PTDSS2: variants seen among roughly 807,000 people sequenced by gnomAD.
PTDSS2 encodes the protein PSS-2.
Under a neutral mutation model 64.7 loss-of-function variants are expected in PTDSS2, and 41 were observed. That is an observed-to-expected ratio of 0.63 (90% confidence interval 0.49 to 0.82). The LOEUF (loss-of-function observed/expected upper bound fraction) is 0.82. Among genes scored for constraint, PTDSS2 ranks in the 40% least tolerant of loss-of-function variants. PTDSS2 has a pLI of 0.00. For synonymous variants in PTDSS2, 297 were observed against 277.8 expected (o/e 1.07, Z -0.69); for missense variants, 485 against 650.0 (o/e 0.75, Z 2.76).
rs1468094323 is a variant in PTDSS2 at position 491,111 on chromosome 11, T to TC, written c.*534dup. 6.4e-6 allele frequency: 1 copy of TC among 155,374 alleles called. No homozygotes were observed. Among genetic ancestry groups the TC allele is most frequent in the African/African-American group, 2.4e-5 (1 of 41,372 alleles). 9.6% of individuals were successfully genotyped at this position (155,374 alleles called of 1,614,324 possible). On this transcript the variant is annotated 3_prime_UTR_variant, in exon 12 of 12. Coordinates refer to ENST00000308020, the MANE Select transcript of PTDSS2 (RefSeq NM_030783.3). ...CGTCTACACTGGCTCCACATCCACT[T>TC]CCCCCGCAGCTCGTGTGGGCGCTCG... is the stretch of plus-strand genomic sequence containing the variant.
Position 450,568 on chromosome 11 carries a change from C to G in PTDSS2, c.113C>G (p.Thr38Ser), listed in dbSNP as rs1564954388. The change falls in exon 1 of 12, where the codon ACC (threonine) becomes AGC (serine). Residue 38 changes from threonine to serine, a missense_variant. By Grantham distance (58) the Thr-to-Ser change is moderately conservative. Coordinates refer to ENST00000308020, the MANE Select transcript of PTDSS2 (RefSeq NM_030783.3). The part of the protein sequence containing the change: ...PPDGPSAGQA[T>S]GPGEGRRSTE... ...GACGGGCCGTCTGCCGGCCAAGCCA[C>G]CGGGCCGGGCGAGGGCCGCCGCAGC... is the stretch of plus-strand genomic sequence containing the variant. The G allele has an allele frequency of 1.4e-5, 18 of 1,243,128 alleles. No individual in the cohort carries two copies. The highest frequency in any genetic ancestry group is 1.8e-5 in the Non-Finnish European group (18 of 986,168). 77.0% of individuals were successfully genotyped at this position (1,243,128 alleles called of 1,614,324 possible).
intron 1 of PTDSS2, among the ~76,000 whole-genome samples, chr11:456,518 T>TA (rs1048812012): frequency 1.3e-5 from 2 of 152,044 alleles, no homozygotes; most frequent in Non-Finnish European, 2.9e-5. Context: ...GGGGTCATCT[T>TA]ACTCTCCTCA....
chr11:484,965 G>A (rs1310815169), intron 4 of PTDSS2, among the ~76,000 whole-genome samples: 1 of 137,276 alleles, frequency 7.3e-6, no homozygotes, highest in African/African-American at 2.8e-5. Flanking sequence ...TGTGTGCGCA[G>A]GCGAGCGTAA....
chr11:458,427 G>A (rs9666582), intron 1 of PTDSS2, among the ~76,000 whole-genome samples: 32,759 of 150,292 alleles, frequency 0.22, 3,844 homozygotes, highest in African/African-American at 0.31. Flanking sequence ...GGATGGTCTC[G>A]ATCTCCTGAC....
In PTDSS2 at chr11:465,452, T is replaced by C. The variant is rs191811960; in HGVS notation, c.284+5164T>C. Among the ~76,000 whole-genome samples, 17 of 152,214 alleles carry C rather than the reference T, an allele frequency of 1.1e-4. No homozygotes were observed. In the East Asian group the frequency reaches 1.6e-3, roughly 14 times the overall value. On this transcript the variant is annotated intron_variant, in intron 2 of 11. Transcript: ENST00000308020. ...CCTCCCAAACTGCTGGGATTACAGA[T>C]GTGAGCTATCATGCCCAGGCATAAT...
intron 2 of PTDSS2, among the ~76,000 whole-genome samples, chr11:464,682 A>G (rs776853677): frequency 8.0e-4 from 122 of 152,294 alleles, no homozygotes; most frequent in Middle Eastern, 6.8e-3. Context: ...TGGACACGGC[A>G]CCGTTCACTG....
chr11:475,439 C>T (rs1168130434), intron 3 of PTDSS2, among the ~76,000 whole-genome samples: 1 of 151,420 alleles, frequency 6.6e-6, no homozygotes, highest in Non-Finnish European at 1.5e-5. Context: ...CAGACATTCA[C>T]GCGTTTGTGT....
chr11:488,474 C>G, intron 7 of PTDSS2, 55 bp from the exon 8 acceptor site: 2 of 1,500,114 alleles, frequency 1.3e-6, no homozygotes, highest in Admixed American at 1.7e-5. Flanking sequence ...CGGGGTCCTC[C>G]TCGGGGGGCT....
At position 489,912 on chromosome 11, in the gene PTDSS2, C is replaced by G; in HGVS notation, c.1145C>G (p.Ala382Gly). Residue 382 changes from alanine to glycine, a missense_variant, in exon 11 of 12, where the codon GCC (alanine) becomes GGC (glycine). Ala to Gly is a moderately conservative substitution (Grantham distance 60). This residue lies in a region of PTDSS2 where 219 missense variants were observed against 257.3 expected (regional missense o/e 0.85). Transcript: ENST00000308020. ...CCCCACAAGAAGCTGGGCCCGCAGG[C>G]CTGGCTGGTGGCGGCCATCACGGCC... ...PKPHKKLGPQ[A>G]WLVAAITATE... The G allele has an allele frequency of 6.2e-7, 1 of 1,602,378 alleles. No homozygotes were observed. Among genetic ancestry groups the G allele is most frequent in the Non-Finnish European group, 8.5e-7 (1 of 1,176,486 alleles).
rs188824587 is a variant in PTDSS2, at chr11:454,108, G to A, written c.182+3471G>A. 3.9e-5 allele frequency among the ~76,000 whole-genome samples: 6 copies of A among 152,344 alleles called. No individual in the cohort carries two copies. In the East Asian group the frequency reaches 5.8e-4, roughly 15 times the overall value. Reference sequence around the variant, plus strand: ...CCAAGATGTGTAGACGTCGTGCTGCGTGTAGGACAAGGACTGGAGCTCACT... The same window carrying A: ...CCAAGATGTGTAGACGTCGTGCTGCATGTAGGACAAGGACTGGAGCTCACT... On this transcript the variant is annotated intron_variant, in intron 1 of 11. Transcript: ENST00000308020.
chr11:487,425 G>A lies in PTDSS2; in HGVS notation c.576G>A (p.Lys192=), dbSNP rs1275012763. 1 of 1,614,038 alleles carries A rather than the reference G, an allele frequency of 6.2e-7. No homozygotes were observed. The change falls in exon 6 of 12, where the codon AAG becomes AAA. Residue 192 remains lysine, a synonymous_variant. Transcript: ENST00000308020. ...TCATACCCTGTCGCCCACAGGACAAGTTGGATGGCTTTGTTCCCGCGCACT... is the reference window on the plus strand; with the variant it reads ...TCATACCCTGTCGCCCACAGGACAAATTGGATGGCTTTGTTCCCGCGCACT... ...ETDPFHNIWD[K]LDGFVPAHFL...
At chr11:473,784 C>T in intron 2 of PTDSS2, 111 bp from the exon 3 acceptor site, 1 of 861,056 alleles carries the variant, frequency 1.2e-6, no homozygotes, top group Non-Finnish European at 2.0e-6. Flanking sequence ...TCCTCCCGCC[C>T]CAGCATCAGG....
chr11:469,126 A>G (rs1278928705), intron 2 of PTDSS2, among the ~76,000 whole-genome samples: 41 of 60,944 alleles, frequency 6.7e-4, no homozygotes, highest in East Asian at 1.3e-3. Flanking sequence ...GGTAATCGGA[A>G]GGAGGAGGAG....
At position 450,338 on chromosome 11, in the gene PTDSS2, G is replaced by C; in HGVS notation, c.-118G>C. 1 of 925,898 alleles carries C rather than the reference G, an allele frequency of 1.1e-6. No individual in the cohort carries two copies. The highest frequency in any genetic ancestry group is 4.4e-5 in the Admixed American group (1 of 22,530). The allele number at this position is 925,898 out of a possible 1,614,324, so 57.4% of individuals were successfully genotyped here. On this transcript the variant is annotated 5_prime_UTR_variant, in exon 1 of 12. Transcript: ENST00000308020. ...GCGCTGCTCTCCTAAGACCCCGCGGGCCAGCGCCGCGACCCCTTCCCAGCG... is the reference window on the plus strand; with the variant it reads ...GCGCTGCTCTCCTAAGACCCCGCGGCCCAGCGCCGCGACCCCTTCCCAGCG...
chr11:489,907 G>A lies in PTDSS2; in HGVS notation c.1140G>A (p.Pro380=), dbSNP rs373641721. The part of the protein sequence containing the change: ...DDPKPHKKLG[P]QAWLVAAITA... ...GGAAGCCCCACAAGAAGCTGGGCCC[G>A]CAGGCCTGGCTGGTGGCGGCCATCA... The change falls in exon 11 of 12, where the codon CCG becomes CCA. Residue 380 remains proline, a synonymous_variant. Transcript: ENST00000308020. 508 of 1,598,904 alleles carry A rather than the reference G, an allele frequency of 3.2e-4. No individual in the cohort carries two copies. Among genetic ancestry groups the A allele is most frequent in the Non-Finnish European group, 4.0e-4 (471 of 1,174,838 alleles).
chr11:457,854 C>A lies in PTDSS2; in HGVS notation c.183-2333C>A, dbSNP rs141901449. ...GTAGCATAGGCCTCACTTTTCTGTG[C>A]CGTTTTGCAGTCCCACCTGCAGTGC... On this transcript the variant is annotated intron_variant, in intron 1 of 11. Coordinates refer to ENST00000308020, the MANE Select transcript of PTDSS2 (RefSeq NM_030783.3). Among the ~76,000 whole-genome samples, 1,022 of 152,314 alleles carry A rather than the reference C, an allele frequency of 6.7e-3. 9 individuals are homozygous for A. The highest frequency in any genetic ancestry group is 0.013 in the Admixed American group (193 of 15,306).
intron 11 of PTDSS2, 130 bp downstream of exon 11, chr11:490,198 G>T (rs1055560752): frequency 1.6e-5 from 19 of 1,188,264 alleles, no homozygotes; most frequent in Admixed American, 5.0e-5. Flanking sequence ...CGCCTCTGCG[G>T]GAGGCGCCTT....
chr11:489,812 C>T (rs1053590543), intron 10 of PTDSS2, 71 bp from the exon 11 acceptor site: 22 of 1,552,298 alleles, frequency 1.4e-5, no homozygotes, highest in South Asian at 2.4e-5. Context: ...CCTGGGAGGC[C>T]GGAGCCTGGG....
chr11:470,234 C>T lies in PTDSS2; in HGVS notation c.285-3661C>T, dbSNP rs1318819081. ...CAAGCCCAGTGGTCAGGTCAGCATG[C>T]ACTGGTCATGTTCATGGCGTGGCCG... On this transcript the variant is annotated intron_variant, in intron 2 of 11. Transcript: ENST00000308020. This position sits in a 1 kb window ranked among gnomAD's most constrained non-coding sequence, Gnocchi z 5.3. 6.6e-6 allele frequency among the ~76,000 whole-genome samples: 1 copy of T among 152,228 alleles called. No individual in the cohort carries two copies. The highest frequency in any genetic ancestry group is 1.5e-5 in the Non-Finnish European group (1 of 68,048).
Sources: allele counts gnomAD v4.1 joint callset (sites outside exome capture counted in the v4.1 genomes callset), GRCh38; gene constraint gnomAD v4.1.1; regional missense constraint gnomAD v4.1.1; non-coding constraint Gnocchi (gnomAD v3.1); transcripts MANE v1.5; gene names NCBI Gene and HGNC (gene_info 2026-07-23, HGNC 2026-07-21).